The following SURF2 variants were observed in gnomAD, a reference collection of about 807,000 sequenced individuals.
The protein encoded by SURF2 is surfeit 2.
A neutral mutation model predicts 26.2 loss-of-function variants in SURF2; 32 were observed. That is an observed-to-expected ratio of 1.22 (90% CI 0.92 to 1.64). SURF2 has a LOEUF of 1.64. Among genes scored for constraint, SURF2 ranks in the 40% most tolerant of loss-of-function variants. SURF2 has a pLI of 0.00. For missense variants in SURF2, 415 were observed against 341.6 expected, an observed-to-expected ratio of 1.21 and a Z score of -1.69; for synonymous variants, 173 against 139.1, an observed-to-expected ratio of 1.24 and a Z score of -1.71.
At position 133,356,679 on chromosome 9, in the gene SURF2, C is replaced by G; in HGVS notation, c.78+9C>G. The stretch of plus-strand genomic sequence containing the variant: ...AGACGGACGCCCGCAAGGTTCGCAG[C>G]GCGGGAGGGGAACGGAGTGGCGGAG... On this transcript the variant is annotated intron_variant, in intron 1 of 5. Transcript: ENST00000371964. 1 of 1,506,848 alleles carries G rather than the reference C, an allele frequency of 6.6e-7. No homozygotes were observed. Among genetic ancestry groups the G allele is most frequent in the Non-Finnish European group, 8.8e-7 (1 of 1,134,404 alleles). 93.3% of individuals were successfully genotyped at this position (1,506,848 alleles called of 1,614,324 possible). A position where few individuals can be genotyped will look rare whatever the true frequency, so the allele number is the denominator to read the frequency against.
rs2130045922 is a variant in SURF2 at position 133,359,995 on chromosome 9, TG to T, written c.385del (p.Val129CysfsTer39). 6.2e-7 allele frequency: 1 copy of T among 1,613,888 alleles called. No individual in the cohort carries two copies. Among genetic ancestry groups the T allele is most frequent in the South Asian group, 1.1e-5 (1 of 91,056 alleles). On this transcript the variant is annotated frameshift_variant, in exon 4 of 6. Coordinates refer to ENST00000371964, the MANE Select transcript of SURF2 (RefSeq NM_017503.5). LOFTEE classifies it high-confidence loss of function. ...KQGVEYVPAC[L>X]VHRRRRREDQ... ...GGGGTGGAGTACGTGCCTGCCTGCC[TG>T]GTGCACCGGAGGAGGAGGAGGGAGG...
At chr9:133,357,944 C>A in intron 3 of SURF2, 130 bp downstream of exon 3, 1 of 849,572 alleles carries the variant, frequency 1.2e-6, no homozygotes, top group Non-Finnish European at 1.9e-6. Context: ...TGTTTTTTGG[C>A]ACAGTGAAGA....
At chr9:133,357,266 T>G in intron 2 of SURF2, 198 bp downstream of exon 2, 1 of 603,322 alleles carries the variant, frequency 1.7e-6, no homozygotes, top group African/African-American at 1.9e-5. Context: ...AGGTTTGTCC[T>G]GTGGGGTGTG....
Position 133,360,394 on chromosome 9 carries a change from A to C in SURF2, c.647A>C (p.Glu216Ala). Residue 216 changes from glutamate (E) to alanine (A), a missense_variant, in exon 5 of 6, where the codon GAG (glutamate) becomes GCG (alanine). Transcript: ENST00000371964. ...AAGGCCACTGATGAGGGCAGGAGAG[A>C]GACGACCGTGTACCGAGGGCTGGTC... Reference protein sequence around the residue: ...REKATDEGRRETTVYRGLVQK... With the variant: ...REKATDEGRRATTVYRGLVQK... 6.2e-7 allele frequency: 1 copy of C among 1,612,936 alleles called. No homozygotes were observed. The highest frequency in any genetic ancestry group is 1.1e-5 in the South Asian group (1 of 91,036).
rs2130051218 is a variant in SURF2 at position 133,360,402 on chromosome 9, G to A, written c.655G>A (p.Val219Met). The stretch of plus-strand genomic sequence containing the variant: ...TGATGAGGGCAGGAGAGAGACGACC[G>A]TGTACCGAGGGCTGGTCCAGAAGCG... ...ATDEGRRETT[V>M]YRGLVQKRGK... The change falls in exon 5 of 6, where the codon GTG (valine) becomes ATG (methionine). Residue 219 changes from valine (V) to methionine (M), a missense_variant. Transcript: ENST00000371964. 21 of 1,611,986 alleles carry A rather than the reference G, an allele frequency of 1.3e-5. No individual in the cohort carries two copies. The highest frequency in any genetic ancestry group is 3.3e-5 in the Admixed American group (2 of 59,942).
At chr9:133,359,927 G>C (rs1178128597) in intron 3 of SURF2, 23 bp from the exon 4 acceptor site, 2 of 1,589,838 alleles carry the variant, frequency 1.3e-6, no homozygotes, top group African/African-American at 1.3e-5. Flanking sequence ...GAGGTACCCA[G>C]CACGTGCTGG....
chr9:133,356,592 C>T lies in SURF2; in HGVS notation c.-1C>T. 6.6e-7 allele frequency: 1 copy of T among 1,523,264 alleles called. No individual in the cohort carries two copies. The highest frequency in any genetic ancestry group is 8.8e-7 in the Non-Finnish European group (1 of 1,142,502). The allele number at this position is 1,523,264 out of a possible 1,614,324, so 94.4% of individuals were successfully genotyped here. On this transcript the variant is annotated 5_prime_UTR_variant, in exon 1 of 6. Coordinates refer to ENST00000371964, the MANE Select transcript of SURF2 (RefSeq NM_017503.5). ...CGGGCTGCTCCGCGGGCGCGTCGGC[C>T]ATGAGCGAGTTGCCGGGCGACGTGC...
At position 133,358,229 on chromosome 9, in the gene SURF2, G is replaced by C. The variant is rs180989740; in HGVS notation, c.337+415G>C. ...TGGAAGTCTGAGGCAAAAATGTGTT[G>C]GCTGAGGTAGGCTCCAAAGGACTGG... On this transcript the variant is annotated intron_variant, in intron 3 of 5. Coordinates refer to ENST00000371964, the MANE Select transcript of SURF2 (RefSeq NM_017503.5). 9.0e-4 allele frequency among the ~76,000 whole-genome samples: 137 copies of C among 152,248 alleles called. 1 individual carries two copies. Among genetic ancestry groups the C allele is most frequent in the African/African-American group, 3.2e-3 (133 of 41,552 alleles).
chr9:133,356,957 C>A lies in SURF2; in HGVS notation c.122C>A (p.Pro41Gln), dbSNP rs1281945728. Reference sequence around the variant, plus strand: ...GGTCACGAGCTGCCCTGCCGCCTGCCGGAGCTCCAGGTCTACACCCGCGGC... The same window carrying A: ...GGTCACGAGCTGCCCTGCCGCCTGCAGGAGCTCCAGGTCTACACCCGCGGC... ...LTGHELPCRL[P>Q]ELQVYTRGKK... Residue 41 changes from proline (P) to glutamine (Q), a missense_variant, in exon 2 of 6, where the codon CCG becomes CAG. Physicochemically the swap from Pro to Gln is moderately conservative, Grantham distance 76 (BLOSUM62 -1). Coordinates refer to ENST00000371964, the MANE Select transcript of SURF2 (RefSeq NM_017503.5). 6.4e-7 allele frequency: 1 copy of A among 1,568,456 alleles called. No individual in the cohort carries two copies. Among genetic ancestry groups the A allele is most frequent in the Admixed American group, 1.9e-5 (1 of 53,652 alleles).
At chr9:133,356,768 G>A (rs1435006278) in intron 1 of SURF2, 98 bp downstream of exon 1, 3 of 1,415,122 alleles carry the variant, frequency 2.1e-6, no homozygotes, top group East Asian at 2.6e-5. Flanking sequence ...AGGGGAGAGG[G>A]GAGAGGGGAG....
chr9:133,360,450 CTCT>C lies in SURF2; in HGVS notation c.687+17_687+19del. On this transcript the variant is annotated intron_variant, in intron 5 of 5. Transcript: ENST00000371964. ...GCGCGGGAAGGTGAGCTGTCACCTC[CTCT>C]GTTAGTGTGGCAGTGGCTTCCCCTA... 6.3e-7 allele frequency: 1 copy of C among 1,589,752 alleles called. No homozygotes were observed. The highest frequency in any genetic ancestry group is 2.2e-5 in the East Asian group (1 of 44,544).
rs1037059921 is a variant in SURF2 at position 133,356,554 on chromosome 9, G to A, written c.-39G>A. 5.3e-6 allele frequency: 8 copies of A among 1,501,376 alleles called. No individual in the cohort carries two copies. The East Asian group carries it at 1.4e-4, about 26-fold the overall frequency. The allele number at this position is 1,501,376 out of a possible 1,614,324, so 93.0% of individuals were successfully genotyped here. On this transcript the variant is annotated 5_prime_UTR_variant, in exon 1 of 6. Transcript: ENST00000371964. ...CCCCGCCCCCGGCTCCAGGTTCTGC[G>A]AGCGGCTTCCGCCGGGCTGCTCCGC... is the stretch of plus-strand genomic sequence containing the variant.
intron 2 of SURF2, 73 bp from the exon 3 acceptor site, chr9:133,357,638 G>A (rs1836643330): frequency 4.1e-6 from 6 of 1,458,576 alleles, no homozygotes; most frequent in Non-Finnish European, 5.7e-6. Context: ...CCAGGGATGA[G>A]TCCAAGACAC....
At chr9:133,358,960 G>C (rs2119094365) in intron 3 of SURF2, among the ~76,000 whole-genome samples, 1 of 152,328 alleles carries the variant, frequency 6.6e-6, no homozygotes, top group Non-Finnish European at 1.5e-5. Flanking sequence ...GGCAGGACCA[G>C]GGTTTCTCAA....
At chr9:133,358,831 GA>G (rs2130040689) in intron 3 of SURF2, among the ~76,000 whole-genome samples, 1 of 152,292 alleles carries the variant, frequency 6.6e-6, no homozygotes, top group South Asian at 2.1e-4. Context: ...GAGGGAAATG[GA>G]CAGAGGCTGG....
intron 3 of SURF2, among the ~76,000 whole-genome samples, chr9:133,359,527 C>T (rs1284114198): frequency 1.3e-5 from 2 of 152,242 alleles, no homozygotes; most frequent in Non-Finnish European, 2.9e-5. Flanking sequence ...CTGAGCCCCG[C>T]CCTCCGGGAC....
Position 133,361,132 on chromosome 9 carries a change from C to T in SURF2, c.764C>T (p.Pro255Leu), listed in dbSNP as rs141740976. ...KPKSFSSCKQ[P>L]G ...AAGAGCTTCAGCTCCTGTAAACAGC[C>T]AGGTTAATAAAAGCACATGCCGTGA... The change falls in exon 6 of 6, where the codon CCA (proline) becomes CTA (leucine). Residue 255 changes from proline to leucine, a missense_variant. Transcript: ENST00000371964. The T allele has an allele frequency of 2.2e-4, 360 of 1,614,166 alleles. No individual in the cohort carries two copies. Among genetic ancestry groups the T allele is most frequent in the Admixed American group, 2.7e-4 (16 of 60,032 alleles).
At position 133,361,093 on chromosome 9, in the gene SURF2, A is replaced by T. The variant is rs2130057598; in HGVS notation, c.725A>T (p.His242Leu). Reference sequence around the variant, plus strand: ...TCGTTGAAAAAGAAGTTCAAGAGTCATCACCGCAAACCCAAGAGCTTCAGC... The same window carrying T: ...TCGTTGAAAAAGAAGTTCAAGAGTCTTCACCGCAAACCCAAGAGCTTCAGC... ...LGSLKKKFKS[H>L]HRKPKSFSSC... is the part of the protein sequence containing the mutation. The change falls in exon 6 of 6, where the codon CAT becomes CTT. Residue 242 changes from histidine to leucine, a missense_variant. Physicochemically the swap from His to Leu is moderately conservative, Grantham distance 99 (BLOSUM62 -3). Coordinates refer to ENST00000371964, the MANE Select transcript of SURF2 (RefSeq NM_017503.5). 10 of 1,614,206 alleles carry T rather than the reference A, an allele frequency of 6.2e-6. No individual in the cohort carries two copies. In the South Asian group the frequency reaches 1.1e-4, roughly 18 times the overall value.
Position 133,356,631 on chromosome 9 carries a change from G to A in SURF2, c.39G>A (p.Arg13=). 1.3e-6 allele frequency: 2 copies of A among 1,526,652 alleles called. No individual in the cohort carries two copies. Among genetic ancestry groups the A allele is most frequent in the Non-Finnish European group, 8.7e-7 (1 of 1,143,846 alleles). 94.6% of individuals were successfully genotyped at this position (1,526,652 alleles called of 1,614,324 possible). The change falls in exon 1 of 6, where the codon CGG becomes CGA. Residue 13 remains arginine, a synonymous_variant. Transcript: ENST00000371964. ...CGGGCGACGTGCGGGCGTTTCTGCG[G>A]GAGCACCCGAGCCTGCGGCTCCAGA... The part of the protein sequence containing the change: ...ELPGDVRAFL[R]EHPSLRLQTD...
Sources: gnomAD v4.1 joint callset for allele counts (sites outside exome capture counted in the v4.1 genomes callset) on GRCh38, gnomAD v4.1.1 for gene constraint, MANE v1.5 for transcripts, NCBI Gene and HGNC (gene_info 2026-07-23, HGNC 2026-07-21) for gene names.